Variants in SLC25A26 observed in about 807,000 individuals in gnomAD.
The protein encoded by SLC25A26 is mitochondrial S-adenosylmethionine carrier protein.
Under a neutral mutation model 37.8 loss-of-function variants are expected in SLC25A26, and 36 were observed. The observed-to-expected ratio is 0.95, with a 90% CI of 0.73 to 1.26. SLC25A26 has a LOEUF of 1.26. SLC25A26 is among the 50% of genes most tolerant of loss of function. SLC25A26 has a pLI of 0.00. For missense variants in SLC25A26, 390 were observed against 331.1 expected (o/e 1.18, Z -1.38); for synonymous variants, 129 against 122.5 (o/e 1.05, Z -0.35).
At chr3:66,147,252 C>T (rs577312231) in intron 1 of SLC25A26, among the ~76,000 whole-genome samples, 1 of 151,436 alleles carries the variant, frequency 6.6e-6, no homozygotes, top group Admixed American at 6.6e-5. Context: ...CAACCTCAAC[C>T]TCCTGGGTTC....
At chr3:66,233,966 G>C (rs887421626) in intron 1 of SLC25A26, among the ~76,000 whole-genome samples, 1 of 152,200 alleles carries the variant, frequency 6.6e-6, no homozygotes, top group African/African-American at 2.4e-5. Context: ...TAAGATTAAA[G>C]AGAAAATTAG....
chr3:66,287,641 A>G (rs960197877), intron 5 of SLC25A26, among the ~76,000 whole-genome samples: 4 of 152,252 alleles, frequency 2.6e-5, no homozygotes, highest in African/African-American at 9.6e-5. Context: ...TAATTTCAAC[A>G]TTCACCTACG....
intron 5 of SLC25A26, among the ~76,000 whole-genome samples, chr3:66,326,246 A>G (rs1261822086): frequency 6.6e-6 from 1 of 152,210 alleles, no homozygotes; most frequent in Non-Finnish European, 1.5e-5. Context: ...GATAATGAGT[A>G]TCTACCCAAA....
At chr3:66,149,712 G>A (rs1040249902) in intron 1 of SLC25A26, among the ~76,000 whole-genome samples, 10 of 152,132 alleles carry the variant, frequency 6.6e-5, no homozygotes, top group African/African-American at 2.4e-4. Context: ...TCAAACCTTT[G>A]CTCAACTGTA....
intron 6 of SLC25A26, among the ~76,000 whole-genome samples, chr3:66,348,691 T>C (rs2107748842): frequency 6.6e-6 from 1 of 152,358 alleles, no homozygotes; most frequent in South Asian, 2.1e-4. Flanking sequence ...CAAAGTAAAT[T>C]ATGAGATGTT....
At chr3:66,371,764 A>G (rs1575622453) in intron 9 of SLC25A26, among the ~76,000 whole-genome samples, 1 of 152,016 alleles carries the variant, frequency 6.6e-6, no homozygotes, top group African/African-American at 2.4e-5. Flanking sequence ...ATGGGGTGAG[A>G]AAAAATGAGT....
chr3:66,374,409 C>T (rs538585106), intron 9 of SLC25A26, among the ~76,000 whole-genome samples: 23 of 152,348 alleles, frequency 1.5e-4, no homozygotes, highest in Non-Finnish European at 2.6e-4. Flanking sequence ...CCACCGAAGA[C>T]GGCAAACTTA....
At chr3:66,287,168 C>T (rs1361596473) in intron 5 of SLC25A26, among the ~76,000 whole-genome samples, 2 of 151,936 alleles carry the variant, frequency 1.3e-5, no homozygotes, top group Admixed American at 6.6e-5. Flanking sequence ...TGGTGGCAGG[C>T]GCCTGTAGTC....
At chr3:66,282,719 G>A (rs1256192305) in intron 5 of SLC25A26, among the ~76,000 whole-genome samples, 1 of 152,120 alleles carries the variant, frequency 6.6e-6, no homozygotes, top group African/African-American at 2.4e-5. Context: ...GAATTATACT[G>A]TAAACTTCTT....
chr3:66,377,042 C>A (rs1264402488), intron 9 of SLC25A26, among the ~76,000 whole-genome samples: 5 of 152,078 alleles, frequency 3.3e-5, no homozygotes, highest in Non-Finnish European at 4.4e-5. Flanking sequence ...GAACAAATAT[C>A]TGAGTAGGTA....
At chr3:66,307,092 A>G (rs905117403) in intron 5 of SLC25A26, among the ~76,000 whole-genome samples, 8 of 152,212 alleles carry the variant, frequency 5.3e-5, no homozygotes, top group Non-Finnish European at 8.8e-5. Flanking sequence ...ACTGTCTTCC[A>G]TAATGGTTAA....
chr3:66,327,931 T>C (rs2075879163), intron 5 of SLC25A26, among the ~76,000 whole-genome samples: 1 of 151,928 alleles, frequency 6.6e-6, no homozygotes, highest in South Asian at 2.1e-4. Flanking sequence ...AATAATGCGC[T>C]GAAAGGAGTG....
At position 66,378,778 on chromosome 3, in the gene SLC25A26, G is replaced by A. The variant is rs1342055541; in HGVS notation, c.*971G>A. The A allele has an allele frequency of 6.6e-6, 1 of 152,506 alleles. No individual in the cohort carries two copies. The highest frequency in any genetic ancestry group is 1.5e-5 in the Non-Finnish European group (1 of 68,018). The allele number at this position is 152,506 out of a possible 1,614,324, so 9.4% of individuals were successfully genotyped here. ...AGGCAGAATGACTGCGTTTGTAAAA[G>A]AAGGACCACCAACTATACTGACATT... On this transcript the variant is annotated 3_prime_UTR_variant, in exon 10 of 10. Transcript: ENST00000354883.
chr3:66,203,864 A>C (rs1268915231), intron 1 of SLC25A26, among the ~76,000 whole-genome samples: 1 of 152,178 alleles, frequency 6.6e-6, no homozygotes, highest in African/African-American at 2.4e-5. Context: ...TCATCTGCTT[A>C]TGTTTCTACC....
intron 5 of SLC25A26, among the ~76,000 whole-genome samples, chr3:66,305,849 C>T (rs866296617): frequency 9.2e-5 from 14 of 152,280 alleles, no homozygotes; most frequent in South Asian, 4.1e-4. Context: ...AATGGTATTT[C>T]TGGTTCTTGC....
intron 1 of SLC25A26, among the ~76,000 whole-genome samples, chr3:66,201,147 T>A (rs890938289): frequency 4.6e-5 from 7 of 152,054 alleles, no homozygotes; most frequent in Non-Finnish European, 5.9e-5. Context: ...ATGAGACCAG[T>A]AAGAAATGAG....
At chr3:66,265,249 G>A (rs1488190016) in intron 5 of SLC25A26, among the ~76,000 whole-genome samples, 2 of 152,148 alleles carry the variant, frequency 1.3e-5, no homozygotes, top group Non-Finnish European at 2.9e-5. Flanking sequence ...CGAGGCTGCA[G>A]TGAGCTGTGA....
chr3:66,316,640 G>A (rs1285181649), intron 5 of SLC25A26, among the ~76,000 whole-genome samples: 2 of 152,080 alleles, frequency 1.3e-5, no homozygotes, highest in Non-Finnish European at 2.9e-5. Context: ...GTTCTCTGGA[G>A]TTCCTGAATT....
chr3:66,266,957 A>C (rs1032130958), intron 5 of SLC25A26, among the ~76,000 whole-genome samples: 1 of 152,212 alleles, frequency 6.6e-6, no homozygotes, highest in African/African-American at 2.4e-5. Context: ...TTGTTTCAAA[A>C]GAAGTGGGAA....
Sources: gnomAD v4.1 joint callset for allele counts (sites outside exome capture counted in the v4.1 genomes callset) on GRCh38, gnomAD v4.1.1 for gene constraint, MANE v1.5 for transcripts, NCBI Gene and HGNC (gene_info 2026-07-23, HGNC 2026-07-21) for gene names.